CERS3: variants seen among roughly 807,000 people sequenced by gnomAD.
CERS3 encodes the protein ceramide synthase 3.
A neutral mutation model predicts 50.3 loss-of-function variants in CERS3; 33 were observed. The observed-to-expected ratio is 0.66, with a 90% CI of 0.50 to 0.88. CERS3 has a LOEUF of 0.88. Ranked by LOEUF, CERS3 falls within the 40% of genes least tolerant of loss-of-function variation. CERS3 has a pLI of 0.00. For synonymous variants in CERS3, 176 were observed against 155.2 expected (o/e 1.13, Z -0.99); for missense variants, 470 against 460.3 (o/e 1.02, Z -0.19).
intron 1 of CERS3, among the ~76,000 whole-genome samples, chr15:100,541,247 G>A (rs1442385627): frequency 6.6e-6 from 1 of 152,184 alleles, no homozygotes; most frequent in Non-Finnish European, 1.5e-5. Flanking sequence ...TCAGGCGGGT[G>A]GATCACCTGA....
At chr15:100,474,100 G>A (rs1317912374) in intron 8 of CERS3, among the ~76,000 whole-genome samples, 1 of 148,650 alleles carries the variant, frequency 6.7e-6, no homozygotes, top group Non-Finnish European at 1.5e-5. Flanking sequence ...AGAGACAAAG[G>A]AGATTTATGG....
In CERS3 at chr15:100,497,306, A is replaced by G. The variant is rs112920143; in HGVS notation, c.173+4371T>C. Reference sequence around the variant, plus strand: ...ACACAGAGAGAGAGAGCATATATGTATGTGTGTGTGTGTGTGTGTGTGTGT... The same window carrying G: ...ACACAGAGAGAGAGAGCATATATGTGTGTGTGTGTGTGTGTGTGTGTGTGT... On this transcript the variant is annotated intron_variant, in intron 3 of 11. Coordinates refer to ENST00000679737, the MANE Select transcript of CERS3 (RefSeq NM_001378789.1). 2.9e-3 allele frequency among the ~76,000 whole-genome samples: 427 copies of G among 145,950 alleles called. 8 individuals carry two copies. Among genetic ancestry groups the G allele is most frequent in the African/African-American group, 9.9e-3 (394 of 39,628 alleles).
chr15:100,422,992 C>A (rs911919792), intron 11 of CERS3, among the ~76,000 whole-genome samples: 1 of 149,424 alleles, frequency 6.7e-6, no homozygotes. Flanking sequence ...TGCTAGATGA[C>A]GAGTTAGTGG....
chr15:100,440,736 T>G (rs1217046205), intron 11 of CERS3, among the ~76,000 whole-genome samples: 1 of 152,148 alleles, frequency 6.6e-6, no homozygotes, highest in Non-Finnish European at 1.5e-5. Context: ...CCAAGAAACA[T>G]CTCACCAATT....
chr15:100,459,381 T>C (rs922157821), intron 10 of CERS3, among the ~76,000 whole-genome samples: 1 of 152,152 alleles, frequency 6.6e-6, no homozygotes, highest in African/African-American at 2.4e-5. Flanking sequence ...CTATAGCCTC[T>C]ACCTCCCAGG....
intron 10 of CERS3, among the ~76,000 whole-genome samples, chr15:100,466,786 T>TCCC (rs2034740308): frequency 4.1e-5 from 1 of 24,634 alleles, no homozygotes; most frequent in Non-Finnish European, 1.1e-4. Flanking sequence ...CCTTCCTTCC[T>TCCC]TCCTTCCTCC....
At chr15:100,472,891 A>G (rs777478755) in intron 9 of CERS3, 33 bp downstream of exon 9, 1 of 1,612,344 alleles carries the variant, frequency 6.2e-7, no homozygotes, top group African/African-American at 1.3e-5. Context: ...AGGACATGGT[A>G]TTGTCATTAG....
intron 11 of CERS3, among the ~76,000 whole-genome samples, chr15:100,443,344 C>T (rs1359036527): frequency 3.3e-5 from 5 of 150,938 alleles, no homozygotes; most frequent in African/African-American, 1.2e-4. Flanking sequence ...TACAGCATGG[C>T]CTTTTAAAGC....
chr15:100,418,987 G>C (rs2032189425), intron 11 of CERS3, among the ~76,000 whole-genome samples: 1 of 151,438 alleles, frequency 6.6e-6, no homozygotes, highest in African/African-American at 2.4e-5. Context: ...GTGCCAAATT[G>C]TAAAGACCAT....
At chr15:100,427,031 T>G (rs1211622637) in intron 11 of CERS3, among the ~76,000 whole-genome samples, 2 of 152,162 alleles carry the variant, frequency 1.3e-5, no homozygotes, top group Non-Finnish European at 2.9e-5. Flanking sequence ...GTGGCCAGGC[T>G]CCAGATTCTG....
In CERS3 at chr15:100,402,821, T is replaced by C; in HGVS notation, c.1044A>G (p.Glu348=). 6.2e-7 allele frequency: 1 copy of C among 1,613,454 alleles called. No homozygotes were observed. The highest frequency in any genetic ancestry group is 8.5e-7 in the Non-Finnish European group (1 of 1,179,650). The change falls in exon 12 of 12, where the codon GAA becomes GAG. Residue 348 remains glutamate, a synonymous_variant. Coordinates refer to ENST00000679737, the MANE Select transcript of CERS3 (RefSeq NM_001378789.1). ...TAGCCTCTTCTTCTTCCTCTTCCTC[T>C]TCCTCTTCATAATCCTCGTCATCAC... The part of the protein sequence containing the change: ...VRSDDEDYEE[E]EEEEEEEATK...
chr15:100,495,788 G>T (rs1416221966), intron 3 of CERS3, among the ~76,000 whole-genome samples: 1 of 151,832 alleles, frequency 6.6e-6, no homozygotes, highest in Non-Finnish European at 1.5e-5. Flanking sequence ...AAGGTATTTT[G>T]CATATCATAT....
intron 10 of CERS3, among the ~76,000 whole-genome samples, chr15:100,463,888 C>A (rs943848659): frequency 6.6e-6 from 1 of 152,196 alleles, no homozygotes; most frequent in African/African-American, 2.4e-5. Flanking sequence ...AGGCTTCAGG[C>A]CTTCAGAGGA....
At chr15:100,455,870 A>G (rs2034350642) in intron 11 of CERS3, 23 bp downstream of exon 11, 20 of 1,527,392 alleles carry the variant, frequency 1.3e-5, no homozygotes, top group Non-Finnish European at 1.8e-5. Flanking sequence ...CATTAAGAGC[A>G]ATAATATTTG....
At chr15:100,434,394 C>G (rs1225348513) in intron 11 of CERS3, among the ~76,000 whole-genome samples, 2 of 152,230 alleles carry the variant, frequency 1.3e-5, no homozygotes, top group East Asian at 1.9e-4. Flanking sequence ...GCGTGCTGTT[C>G]CCAAATCAGA....
At chr15:100,538,380 G>A (rs1263183404) in intron 1 of CERS3, among the ~76,000 whole-genome samples, 1 of 152,232 alleles carries the variant, frequency 6.6e-6, no homozygotes, top group Non-Finnish European at 1.5e-5. Context: ...CCTAGCAGAG[G>A]TACTCCATGA....
At chr15:100,521,784 A>C (rs999067648) in intron 1 of CERS3, 28 bp from the exon 2 acceptor site, 6 of 152,206 alleles carry the variant, frequency 3.9e-5, no homozygotes, top group African/African-American at 1.2e-4. Context: ...GAGAAACATA[A>C]TTAATATATT....
chr15:100,408,829 C>G (rs1175063469), intron 11 of CERS3: 3 of 152,268 alleles, frequency 2.0e-5, no homozygotes, highest in Admixed American at 2.0e-4. Flanking sequence ...GTGGCAGGCT[C>G]GGGACTAAAC....
intron 1 of CERS3, among the ~76,000 whole-genome samples, chr15:100,528,426 C>A (rs868407323): frequency 6.6e-6 from 1 of 152,140 alleles, no homozygotes; most frequent in African/African-American, 2.4e-5. Flanking sequence ...CCTGATAAAC[C>A]AAGCTATGCT....
Sources: gnomAD v4.1 joint callset for allele counts (sites outside exome capture counted in the v4.1 genomes callset) on GRCh38, gnomAD v4.1.1 for gene constraint, MANE v1.5 for transcripts, NCBI Gene and HGNC (gene_info 2026-07-23, HGNC 2026-07-21) for gene names.